OSBPL6: variants seen among roughly 807,000 people sequenced by gnomAD.
OSBPL6 encodes the protein oxysterol-binding protein-related protein 6.
In OSBPL6, 49 loss-of-function variants were observed where a neutral mutation model predicts 125.8. The ratio of observed to expected loss-of-function variants is 0.39; its 90% CI spans 0.31 to 0.49. The LOEUF (loss-of-function observed/expected upper bound fraction) is 0.49, where lower values mean the gene tolerates loss of function less well. Ranked by LOEUF, OSBPL6 falls within the 20% of genes least tolerant of loss-of-function variation. The probability of loss-of-function intolerance (pLI) is 0.88; values close to 1 mark genes in which losing one functional copy is unlikely to be tolerated. For missense variants in OSBPL6, 986 were observed against 1,135.4 expected, an observed-to-expected ratio of 0.87 and a Z score of 1.89; for synonymous variants, 394 against 391.8, an observed-to-expected ratio of 1.01 and a Z score of -0.07.
chr2:178,261,864 A>T (rs1035894766), intron 1 of OSBPL6, among the ~76,000 whole-genome samples: 1 of 152,184 alleles, frequency 6.6e-6, no homozygotes, highest in South Asian at 2.1e-4. Context: ...TAGAAATGAG[A>T]TATTCAGTGT....
At chr2:178,346,641 G>A (rs1473094543) in intron 11 of OSBPL6, among the ~76,000 whole-genome samples, 1 of 152,092 alleles carries the variant, frequency 6.6e-6, no homozygotes, top group Non-Finnish European at 1.5e-5. Context: ...TATCAACATG[G>A]AGAGCTGTAG....
chr2:178,328,328 G>A lies in OSBPL6; in HGVS notation c.268G>A (p.Glu90Lys). ...QTNVQKPDKHEGFMLKKRKWP... is the reference protein window; with the variant it reads ...QTNVQKPDKHKGFMLKKRKWP... Reference sequence around the variant, plus strand: ...CAATGTCCAGAAACCAGACAAACATGAGGGCTTTATGCTGAAGAAAAGAAA... The same window carrying A: ...CAATGTCCAGAAACCAGACAAACATAAGGGCTTTATGCTGAAGAAAAGAAA... The change falls in exon 5 of 25, where the codon GAG (glutamate) becomes AAG (lysine). Residue 90 changes from glutamate to lysine, a missense_variant. By Grantham distance (56) the Glu-to-Lys change is moderately conservative (BLOSUM62 1). This residue lies in a region of OSBPL6 where 130 missense variants were observed against 106.4 expected (regional missense o/e 1.22). Coordinates refer to ENST00000190611, the MANE Select transcript of OSBPL6 (RefSeq NM_032523.4). The A allele has an allele frequency of 1.2e-6, 2 of 1,613,936 alleles. No homozygotes were observed. Among genetic ancestry groups the A allele is most frequent in the Non-Finnish European group, 1.7e-6 (2 of 1,179,870 alleles).
At chr2:178,309,101 T>G (rs1687031659) in intron 3 of OSBPL6, among the ~76,000 whole-genome samples, 2 of 152,144 alleles carry the variant, frequency 1.3e-5, no homozygotes, top group Admixed American at 1.3e-4. Flanking sequence ...CTTTCCTGCA[T>G]GGAATTCCCA....
chr2:178,389,258 C>T, intron 21 of OSBPL6, 105 bp downstream of exon 21: 1 of 1,113,998 alleles, frequency 9.0e-7, no homozygotes, highest in Non-Finnish European at 1.3e-6. Flanking sequence ...TGTCCTGTAT[C>T]ATTGGTCCTT....
At chr2:178,226,893 AT>A (rs1236118438) in intron 1 of OSBPL6, among the ~76,000 whole-genome samples, 1 of 152,226 alleles carries the variant, frequency 6.6e-6, no homozygotes, top group African/African-American at 2.4e-5. Context: ...CTCCATTAAA[AT>A]TAAGAATATT....
chr2:178,323,314 A>G (rs1688408744), intron 3 of OSBPL6, among the ~76,000 whole-genome samples: 2 of 152,012 alleles, frequency 1.3e-5, no homozygotes, highest in South Asian at 4.2e-4. Context: ...TACTTCACCC[A>G]TTTTTCTGTT....
At chr2:178,354,882 C>G (rs1691624481) in intron 12 of OSBPL6, among the ~76,000 whole-genome samples, 1 of 152,198 alleles carries the variant, frequency 6.6e-6, no homozygotes. Flanking sequence ...TCACAGCAAA[C>G]TGTCTCTCAG....
intron 3 of OSBPL6, among the ~76,000 whole-genome samples, chr2:178,323,277 A>G (rs1172241666): frequency 6.6e-6 from 1 of 152,144 alleles, no homozygotes; most frequent in Non-Finnish European, 1.5e-5. Flanking sequence ...ATCTTTTCAA[A>G]TGTTTTACAT....
At chr2:178,211,528 T>C (rs562022526) in intron 1 of OSBPL6, among the ~76,000 whole-genome samples, 61 of 152,250 alleles carry the variant, frequency 4.0e-4, no homozygotes, top group African/African-American at 1.2e-3. Flanking sequence ...CAGAGCAAGA[T>C]TGCTTCCGGC....
chr2:178,357,764 AC>A (rs1270846899), intron 12 of OSBPL6, among the ~76,000 whole-genome samples: 1 of 152,170 alleles, frequency 6.6e-6, no homozygotes, highest in African/African-American at 2.4e-5. Context: ...AAATCATGCT[AC>A]TATAAAGACA....
intron 5 of OSBPL6, among the ~76,000 whole-genome samples, chr2:178,329,502 C>T (rs1222568741): frequency 4.6e-5 from 7 of 151,872 alleles, no homozygotes; most frequent in Non-Finnish European, 1.5e-5. Flanking sequence ...GCAACCTCCA[C>T]CTCTCGGGTT....
At chr2:178,373,478 T>C (rs1693590303) in intron 14 of OSBPL6, among the ~76,000 whole-genome samples, 1 of 152,250 alleles carries the variant, frequency 6.6e-6, no homozygotes, top group Non-Finnish European at 1.5e-5. Context: ...GTATATAGTC[T>C]GTCTCAAAAA....
chr2:178,288,548 G>C (rs1192753368), intron 2 of OSBPL6, among the ~76,000 whole-genome samples: 19 of 151,766 alleles, frequency 1.3e-4, no homozygotes, highest in Admixed American at 1.2e-3. Context: ...TCCAGTAAAA[G>C]TATGTATAAC....
chr2:178,313,231 T>G (rs947654835), intron 3 of OSBPL6, among the ~76,000 whole-genome samples: 6 of 152,260 alleles, frequency 3.9e-5, no homozygotes, highest in Non-Finnish European at 8.8e-5. Context: ...TAACAAAATA[T>G]ATGTTTCTGA....
At chr2:178,355,287 A>G (rs527908503) in intron 12 of OSBPL6, among the ~76,000 whole-genome samples, 1 of 152,304 alleles carries the variant, frequency 6.6e-6, no homozygotes, top group East Asian at 1.9e-4. Context: ...CAAAAAATTA[A>G]TGAATCCAGG....
rs1559328204 is a variant in OSBPL6 at position 178,389,019 on chromosome 2, T to C, written c.2167T>C (p.Tyr723His). 1 of 1,613,864 alleles carries C rather than the reference T, an allele frequency of 6.2e-7. No individual in the cohort carries two copies. Among genetic ancestry groups the C allele is most frequent in the Non-Finnish European group, 8.5e-7 (1 of 1,179,926 alleles). ...TACATTCTTCACTAGGTATGGAGAT[T>C]ACTATGTGTGGAATAAAGTCACCAC... is the stretch of plus-strand genomic sequence containing the variant. ...LNVMLPKYGD[Y>H]YVWNKVTTCI... Residue 723 changes from tyrosine (Y) to histidine (H), a missense_variant, in exon 21 of 25, where the codon TAC (tyrosine) becomes CAC (histidine). By Grantham distance (83) the Tyr-to-His change is moderately conservative (BLOSUM62 2). Transcript: ENST00000190611.
At chr2:178,379,332 A>G (rs1416601941) in intron 15 of OSBPL6, among the ~76,000 whole-genome samples, 1 of 125,954 alleles carries the variant, frequency 7.9e-6, no homozygotes, top group African/African-American at 3.0e-5. Context: ...GAAGGAAAGG[A>G]AGGGAGGGAG....
chr2:178,369,116 CT>C (rs1431331131), intron 13 of OSBPL6, among the ~76,000 whole-genome samples: 1 of 152,056 alleles, frequency 6.6e-6, no homozygotes, highest in African/African-American at 2.4e-5. Context: ...ATAAGAAATA[CT>C]TTAACTGAGA....
intron 2 of OSBPL6, among the ~76,000 whole-genome samples, chr2:178,288,612 T>C (rs1478656227): frequency 6.6e-6 from 1 of 152,056 alleles, no homozygotes; most frequent in East Asian, 1.9e-4. Context: ...ATATCAAGGT[T>C]TTCATATATA....
Sources: allele counts gnomAD v4.1 joint callset (sites outside exome capture counted in the v4.1 genomes callset), GRCh38; gene constraint gnomAD v4.1.1; regional missense constraint gnomAD v4.1.1; transcripts MANE v1.5; gene names NCBI Gene and HGNC (gene_info 2026-07-23, HGNC 2026-07-21).